Variants in ORC3 observed in about 807,000 individuals in gnomAD.
ORC3 encodes homolog of latheo, Drosophila.
A neutral mutation model predicts 100.7 loss-of-function variants in ORC3; 78 were observed. The ratio of observed to expected loss-of-function variants is 0.77; its 90% confidence interval spans 0.65 to 0.94. ORC3 has a LOEUF of 0.94. Ranked by LOEUF, ORC3 falls within the 40% of genes least tolerant of loss-of-function variation. The pLI, the probability that ORC3 is intolerant of heterozygous loss-of-function variation, is 0.00. For synonymous variants in ORC3, 295 were observed against 289.3 expected (o/e 1.02, Z -0.20); for missense variants, 789 against 823.9 (o/e 0.96, Z 0.52).
At chr6:87,675,574 C>A in the ORC3 span, 1 of 1,613,830 alleles carries the variant, frequency 6.2e-7, no homozygotes, top group Non-Finnish European at 8.5e-7. Flanking sequence ...AACAAGGCAG[C>A]CCACAAATGC....
chr6:87,590,493 A>G (rs1025568102), intron 1 of ORC3, among the ~76,000 whole-genome samples: 1 of 152,226 alleles, frequency 6.6e-6, no homozygotes, highest in Non-Finnish European at 1.5e-5. Flanking sequence ...CTGTGCGCCA[A>G]GCACTCCGTT....
chr6:87,654,595 A>G (rs1769525243), intron 14 of ORC3, among the ~76,000 whole-genome samples: 1 of 152,198 alleles, frequency 6.6e-6, no homozygotes, highest in Non-Finnish European at 1.5e-5. Context: ...CCACTAGTTC[A>G]TTGTTTTTCT....
intron 9 of ORC3, among the ~76,000 whole-genome samples, chr6:87,619,556 G>A (rs1447492201): frequency 5.9e-5 from 9 of 152,118 alleles, no homozygotes; most frequent in African/African-American, 1.4e-4. Flanking sequence ...ACAGGCATGC[G>A]CCACCACGCC....
At chr6:87,609,490 T>C (rs1778590271) in intron 7 of ORC3, 1 of 299,602 alleles carries the variant, frequency 3.3e-6, no homozygotes, top group Admixed American at 4.9e-5. Context: ...CTCACCAAGA[T>C]TGACTGTCTC....
intron 13 of ORC3, among the ~76,000 whole-genome samples, chr6:87,645,154 G>A (rs1768659830): frequency 2.0e-5 from 3 of 151,976 alleles, no homozygotes; most frequent in African/African-American, 7.2e-5. Flanking sequence ...TGAAACCACT[G>A]ATCAGATGAC....
At chr6:87,656,852 C>T (rs1249211121) in intron 14 of ORC3, 54 bp from the exon 15 acceptor site, 4 of 1,208,664 alleles carry the variant, frequency 3.3e-6, no homozygotes, top group South Asian at 2.6e-5. Context: ...AATGTTTGTT[C>T]CCTTGACTTG....
intron 16 of ORC3, among the ~76,000 whole-genome samples, chr6:87,661,109 T>C (rs1770142995): frequency 6.6e-6 from 1 of 152,248 alleles, no homozygotes; most frequent in Non-Finnish European, 1.5e-5. Context: ...TCTATCTGAT[T>C]GCCTTGTTAG....
chr6:87,677,334 A>G, the ORC3 span, among the ~76,000 whole-genome samples: 4 of 152,208 alleles, frequency 2.6e-5, no homozygotes, highest in Non-Finnish European at 5.9e-5. Flanking sequence ...ATATCTATAT[A>G]AACAGTAAAT....
chr6:87,632,239 G>A (rs1767481049), intron 11 of ORC3, among the ~76,000 whole-genome samples: 1 of 152,224 alleles, frequency 6.6e-6, no homozygotes. Flanking sequence ...ATCTAAGTAA[G>A]ATGGAAAACT....
rs369815671 is a variant in ORC3, at chr6:87,605,981, C to G, written c.387C>G (p.Val129=). ...TAACAGAGGCCCTTCAGAATAATGT[C>G]ACACCATATGTAGTCTCATTGCAAG... is the stretch of plus-strand genomic sequence containing the variant. ...GSLTEALQNN[V]TPYVVSLQAK... is the part of the protein sequence containing the mutation. The change falls in exon 5 of 20, where the codon GTC becomes GTG. Residue 129 remains valine (V), a synonymous_variant. Coordinates refer to ENST00000392844, the MANE Select transcript of ORC3 (RefSeq NM_012381.4). 3.1e-6 allele frequency: 5 copies of G among 1,607,982 alleles called. No individual in the cohort carries two copies. The Admixed American group carries it at 6.7e-5, about 21-fold the overall frequency.
intron 2 of ORC3, among the ~76,000 whole-genome samples, chr6:87,598,826 C>G (rs1777663863): frequency 6.6e-6 from 1 of 152,156 alleles, no homozygotes; most frequent in Admixed American, 6.6e-5. Context: ...AACAGATTGA[C>G]TGAAGAAGTA....
chr6:87,602,316 G>A (rs1050718077), intron 3 of ORC3, among the ~76,000 whole-genome samples: 2 of 152,164 alleles, frequency 1.3e-5, no homozygotes, highest in East Asian at 1.9e-4. Flanking sequence ...CTTTCAAATG[G>A]TGACGCTCTT....
chr6:87,673,158 T>G, the ORC3 span, among the ~76,000 whole-genome samples: 1 of 121,398 alleles, frequency 8.2e-6, no homozygotes, highest in African/African-American at 3.9e-5. Context: ...AAAAAAATTT[T>G]TTTTTTTTTT....
chr6:87,612,692 A>G (rs982454743), intron 8 of ORC3, among the ~76,000 whole-genome samples: 1 of 152,142 alleles, frequency 6.6e-6, no homozygotes, highest in Admixed American at 6.5e-5. Context: ...GCTCACTGCA[A>G]CCTCTGCCTC....
At chr6:87,622,983 T>C (rs1196128872) in intron 11 of ORC3, among the ~76,000 whole-genome samples, 1 of 152,202 alleles carries the variant, frequency 6.6e-6, no homozygotes, top group Non-Finnish European at 1.5e-5. Flanking sequence ...AATATTGTAA[T>C]GATAGTAAGA....
chr6:87,651,416 G>A, intron 13 of ORC3: 1 of 379,246 alleles, frequency 2.6e-6, no homozygotes, highest in Non-Finnish European at 5.3e-6. Context: ...GATTGTTCAA[G>A]TGTATCTGAC....
At chr6:87,607,598 C>A in intron 5 of ORC3, 75 bp from the exon 6 acceptor site, 2 of 1,208,766 alleles carry the variant, frequency 1.7e-6, no homozygotes, top group South Asian at 1.6e-5. Context: ...ATACACTCAG[C>A]AAGAAGTTTC....
chr6:87,599,846 G>A (rs1332585996), intron 2 of ORC3, among the ~76,000 whole-genome samples: 9 of 152,076 alleles, frequency 5.9e-5, no homozygotes, highest in East Asian at 3.9e-4. Flanking sequence ...GGTCGCGGGC[G>A]CCTGTAGTCC....
At chr6:87,669,158 AAAAAC>A (rs1171229110), downstream of ORC3, among the ~76,000 whole-genome samples, 6 of 152,316 alleles carry the variant, frequency 3.9e-5, no homozygotes, top group East Asian at 5.8e-4. Flanking sequence ...ACTCCGTCTC[AAAAAC>A]AAAACAAAAC....
Sources: gnomAD v4.1 joint callset for allele counts (sites outside exome capture counted in the v4.1 genomes callset) on GRCh38, gnomAD v4.1.1 for gene constraint, MANE v1.5 for transcripts, NCBI Gene and HGNC (gene_info 2026-07-23, HGNC 2026-07-21) for gene names.